The following ANKRD24 variants were observed in gnomAD, a reference collection of about 807,000 sequenced individuals.
The protein encoded by ANKRD24 is ankyrin repeat domain 24.
A neutral mutation model predicts 127.8 loss-of-function variants in ANKRD24; 109 were observed. That is an observed-to-expected ratio of 0.85 (90% CI 0.73 to 1.00). The LOEUF is 1.00. ANKRD24 is among the 50% of genes least tolerant of loss of function. ANKRD24 has a pLI of 0.00. For missense variants in ANKRD24, 1,648 were observed against 1,570.2 expected, an observed-to-expected ratio of 1.05 and a Z score of -0.84; for synonymous variants, 743 against 671.1, an observed-to-expected ratio of 1.11 and a Z score of -1.66.
chr19:4,191,630 C>G (rs916198373), intron 2 of ANKRD24, among the ~76,000 whole-genome samples: 1 of 139,588 alleles, frequency 7.2e-6, no homozygotes, highest in Non-Finnish European at 1.6e-5. Context: ...TACAGGTGCA[C>G]GCCACCACAC....
chr19:4,187,449 G>A (rs1334272746), intron 2 of ANKRD24, among the ~76,000 whole-genome samples: 2 of 152,078 alleles, frequency 1.3e-5, no homozygotes, highest in Admixed American at 1.3e-4. Flanking sequence ...AAGGGGAGTG[G>A]GGGAGAGAGT....
At position 4,199,182 on chromosome 19, in the gene ANKRD24, C is replaced by T. The variant is rs1968939523; in HGVS notation, c.37-501C>T. ...ACTTTGGAGGGTAGTTTGGAAAAGA[C>T]TCATGGATCCATTTGCTGGGGGCGA... On this transcript the variant is annotated intron_variant, in intron 2 of 21. Coordinates refer to ENST00000318934, the MANE Select transcript of ANKRD24 (RefSeq NM_001393985.1). This position sits in a 1 kb window ranked among gnomAD's most constrained non-coding sequence, Gnocchi z 5.2. Among the ~76,000 whole-genome samples the T allele has an allele frequency of 6.6e-6, 1 of 151,960 alleles. No individual in the cohort carries two copies.
chr19:4,216,110 G>A lies in ANKRD24; in HGVS notation c.1270+60G>A, dbSNP rs146769397. Reference sequence around the variant, plus strand: ...CTTGTCCCCTGGGGCCCTGGAAGACGGAGCCTCTGGGTGTGGGGGAGTTTG... The same window carrying A: ...CTTGTCCCCTGGGGCCCTGGAAGACAGAGCCTCTGGGTGTGGGGGAGTTTG... On this transcript the variant is annotated intron_variant, in intron 16 of 21. Coordinates refer to ENST00000318934, the MANE Select transcript of ANKRD24 (RefSeq NM_001393985.1). The A allele has an allele frequency of 1.3e-3, 1,971 of 1,508,098 alleles. 2 individuals carry two copies. Among genetic ancestry groups the A allele is most frequent in the Non-Finnish European group, 1.6e-3 (1,766 of 1,107,864 alleles). 93.4% of individuals were successfully genotyped at this position (1,508,098 alleles called of 1,614,324 possible).
intron 2 of ANKRD24, among the ~76,000 whole-genome samples, chr19:4,193,004 T>G (rs1179411517): frequency 6.7e-6 from 1 of 148,990 alleles, no homozygotes; most frequent in Non-Finnish European, 1.5e-5. Flanking sequence ...TGTAGTATCT[T>G]AGGTGGTGAT....
In ANKRD24 at chr19:4,201,957, A is replaced by G. The variant is rs185517400; in HGVS notation, c.344-69A>G. 91 of 1,381,450 alleles carry G rather than the reference A, an allele frequency of 6.6e-5. No individual in the cohort carries two copies. The East Asian group carries it at 2.1e-3, about 31-fold the overall frequency. The allele number at this position is 1,381,450 out of a possible 1,614,324, so 85.6% of individuals were successfully genotyped here. ...CAGAAACTCATCACAAGTAGTTGACATGGCTTGGGGAGCAGCTGGGAGCTA... is the reference window on the plus strand; with the variant it reads ...CAGAAACTCATCACAAGTAGTTGACGTGGCTTGGGGAGCAGCTGGGAGCTA... On this transcript the variant is annotated intron_variant, in intron 5 of 21. Transcript: ENST00000318934.
At position 4,224,531 on chromosome 19, in the gene ANKRD24, T is replaced by C; in HGVS notation, c.*26T>C. ...GAAAGGCCAGGCCCAGTGGCTACAC[T>C]GACCACACCCACGCAGGGACCTCAC... On this transcript the variant is annotated 3_prime_UTR_variant, in exon 22 of 22. Coordinates refer to ENST00000318934, the MANE Select transcript of ANKRD24 (RefSeq NM_001393985.1). 1 of 1,594,648 alleles carries C rather than the reference T, an allele frequency of 6.3e-7. No individual in the cohort carries two copies. Among genetic ancestry groups the C allele is most frequent in the Non-Finnish European group, 8.5e-7 (1 of 1,170,336 alleles).
chr19:4,207,915 A>G lies in ANKRD24; in HGVS notation c.779A>G (p.Lys260Arg). 1 of 1,554,954 alleles carries G rather than the reference A, an allele frequency of 6.4e-7. No homozygotes were observed. Among genetic ancestry groups the G allele is most frequent in the African/African-American group, 1.4e-5 (1 of 73,076 alleles). The change falls in exon 10 of 22, where the codon AAA becomes AGA. Residue 260 changes from lysine to arginine, a missense_variant. Physicochemically the swap from Lys to Arg is conservative, Grantham distance 26 (BLOSUM62 2). Transcript: ENST00000318934. ...CACTATGGCGCCCTGGCGGGGGACAAACTCATCCTGCACCTTCTGCAAGAG... is the reference window on the plus strand; with the variant it reads ...CACTATGGCGCCCTGGCGGGGGACAGACTCATCCTGCACCTTCTGCAAGAG... ...AAHYGALAGD[K>R]LILHLLQEAA...
chr19:4,200,993 T>C (rs1416829267), intron 5 of ANKRD24, among the ~76,000 whole-genome samples: 2 of 152,038 alleles, frequency 1.3e-5, no homozygotes, highest in Admixed American at 6.6e-5. Flanking sequence ...ACTGGATTCA[T>C]GGGAGTAGCT....
At chr19:4,200,039 AG>A (rs1385323796) in intron 4 of ANKRD24, 34 bp downstream of exon 4, 1 of 1,568,040 alleles carries the variant, frequency 6.4e-7, no homozygotes, top group South Asian at 1.2e-5. Flanking sequence ...GAGATGGCTG[AG>A]GGGTGGCAAC....
chr19:4,193,285 G>C (rs1190225294), intron 2 of ANKRD24, among the ~76,000 whole-genome samples: 2 of 30,484 alleles, frequency 6.6e-5, no homozygotes, highest in Non-Finnish European at 1.6e-4. Context: ...CTGGGCAATA[G>C]AGCGACTCCA....
chr19:4,188,138 C>G (rs1428568939), intron 2 of ANKRD24, among the ~76,000 whole-genome samples: 1 of 149,622 alleles, frequency 6.7e-6, no homozygotes, highest in Admixed American at 6.7e-5. Flanking sequence ...AGTGCCGTGG[C>G]TTGATCTCGG....
At chr19:4,186,168 C>A in intron 1 of ANKRD24, 1 of 1,083,124 alleles carries the variant, frequency 9.2e-7, no homozygotes, top group South Asian at 1.8e-5. Flanking sequence ...AAGAAAGGAT[C>A]ATTTCTGTCA....
chr19:4,200,006 G>GT lies in ANKRD24; in HGVS notation c.254+2dup, dbSNP rs768292158. The GT allele has an allele frequency of 1.3e-6, 2 of 1,563,808 alleles. No individual in the cohort carries two copies. Among genetic ancestry groups the GT allele is most frequent in the Non-Finnish European group, 1.7e-6 (2 of 1,152,962 alleles). On this transcript the variant is annotated splice_donor_variant, in intron 4 of 21. Transcript: ENST00000318934. LOFTEE classifies it high-confidence loss of function. ...AGCTAGACCCCGAGGGCAAGTCCGC[G>GT]TGAGTGCCCGCGACCCGGGAGTGAG...
intron 13 of ANKRD24, 57 bp from the exon 14 acceptor site, chr19:4,212,418 T>C (rs977107884): frequency 1.9e-6 from 3 of 1,539,902 alleles, no homozygotes; most frequent in Non-Finnish European, 2.6e-6. Context: ...AAGCAGGAGG[T>C]GGGGCAGGGA....
rs996161277 is a variant in ANKRD24 at position 4,195,287 on chromosome 19, T to C, written c.37-4396T>C. Among the ~76,000 whole-genome samples the C allele has an allele frequency of 6.6e-6, 1 of 151,748 alleles. No homozygotes were observed. The highest frequency in any genetic ancestry group is 2.4e-5 in the African/African-American group (1 of 41,318). ...CGGGGTTTTGCCACGTTGGTCAGGC[T>C]GGTCTCGAACTCCCCATCTCAGGTG... On this transcript the variant is annotated intron_variant, in intron 2 of 21. Transcript: ENST00000318934. The surrounding 1 kb of genome is among the most constrained non-coding windows in gnomAD (Gnocchi z 4.2).
intron 10 of ANKRD24, 127 bp downstream of exon 10, chr19:4,208,095 C>G: frequency 3.0e-6 from 3 of 1,001,894 alleles, no homozygotes; most frequent in Non-Finnish European, 4.1e-6. Flanking sequence ...TAGAGCTTAC[C>G]CAATTCTACT....
rs999694334 is a variant in ANKRD24 at position 4,224,317 on chromosome 19, C to A, written c.3364-111C>A. On this transcript the variant is annotated intron_variant, in intron 21 of 21. Coordinates refer to ENST00000318934, the MANE Select transcript of ANKRD24 (RefSeq NM_001393985.1). ...GGAGAGGTTCGTGGCATGTGGGAGC[C>A]CCCCTGTGTGCATTTCCCTCCTGGC... 11 of 1,417,778 alleles carry A rather than the reference C, an allele frequency of 7.8e-6. No individual in the cohort carries two copies. In the South Asian group the frequency reaches 1.3e-4, roughly 16 times the overall value. The allele number at this position is 1,417,778 out of a possible 1,614,324, so 87.8% of individuals were successfully genotyped here.
At chr19:4,209,981 T>TG in intron 11 of ANKRD24, 77 bp from the exon 12 acceptor site, 1 of 801,834 alleles carries the variant, frequency 1.2e-6, no homozygotes. Flanking sequence ...TGGGGCTGGC[T>TG]GGGTTGGTTT....
intron 2 of ANKRD24, among the ~76,000 whole-genome samples, chr19:4,189,243 CTTTTTTTTTTTTTTTTT>C (rs398033749): frequency 2.7e-5 from 2 of 73,952 alleles, no homozygotes; most frequent in African/African-American, 1.1e-4. Flanking sequence ...TTTCTTTCTT[CTTTTTTTTTTTTTTTTT>C]TTTTTGAAGG....
Sources: allele counts gnomAD v4.1 joint callset (sites outside exome capture counted in the v4.1 genomes callset), GRCh38; gene constraint gnomAD v4.1.1; non-coding constraint Gnocchi (gnomAD v3.1); transcripts MANE v1.5; gene names NCBI Gene and HGNC (gene_info 2026-07-23, HGNC 2026-07-21).